DIP2B: variants seen among roughly 807,000 people sequenced by gnomAD.
The protein encoded by DIP2B is disco-interacting protein 2 homolog B.
DIP2B carries 76 observed loss-of-function variants against 198.0 expected under a neutral mutation model. That is an observed-to-expected ratio of 0.38 (90% CI 0.32 to 0.46). The LOEUF (loss-of-function observed/expected upper bound fraction) is 0.46. DIP2B is among the 20% of genes least tolerant of loss of function. The pLI is 0.99. For synonymous variants in DIP2B, 701 were observed against 739.1 expected (o/e 0.95, Z 0.84); for missense variants, 1,559 against 1,978.4 (o/e 0.79, Z 4.02).
intron 2 of DIP2B, among the ~76,000 whole-genome samples, chr12:50,639,278 A>G (rs1271868551): frequency 2.0e-5 from 3 of 151,828 alleles, no homozygotes; most frequent in East Asian, 3.9e-4. Flanking sequence ...TTTGCTCTAT[A>G]TGGTTGCCAA....
At chr12:50,553,679 G>A (rs561130424) in intron 1 of DIP2B, among the ~76,000 whole-genome samples, 63 of 152,050 alleles carry the variant, frequency 4.1e-4, no homozygotes, top group Non-Finnish European at 6.3e-4. Flanking sequence ...TCTGAGACAG[G>A]TTCTCACTCT....
intron 1 of DIP2B, among the ~76,000 whole-genome samples, chr12:50,514,282 C>T (rs1270102134): frequency 6.6e-6 from 1 of 151,986 alleles, no homozygotes; most frequent in Non-Finnish European, 1.5e-5. Flanking sequence ...TCAGGCTGGT[C>T]GCGAACTCCC....
chr12:50,609,071 T>C lies in DIP2B; in HGVS notation c.101-16905T>C, dbSNP rs539067363. On this transcript the variant is annotated intron_variant, in intron 1 of 37. Transcript: ENST00000301180. ...GCAGGAGAATCATGGAGGCAGAGGT[T>C]GCAGTGAGCCGAGATTGTGCCATTG... Among the ~76,000 whole-genome samples the C allele has an allele frequency of 4.5e-4, 69 of 152,206 alleles. 1 individual carries two copies. Among genetic ancestry groups the C allele is most frequent in the African/African-American group, 1.7e-3 (69 of 41,516 alleles).
At chr12:50,525,056 G>A (rs1442062368) in intron 1 of DIP2B, among the ~76,000 whole-genome samples, 1 of 147,400 alleles carries the variant, frequency 6.8e-6, no homozygotes, top group Admixed American at 6.8e-5. Context: ...TGGAGAAAAA[G>A]CATCAAGAGG....
At chr12:50,692,427 C>T (rs1324625169) in intron 13 of DIP2B, among the ~76,000 whole-genome samples, 1 of 152,108 alleles carries the variant, frequency 6.6e-6, no homozygotes, top group Non-Finnish European at 1.5e-5. Context: ...ATGCCTAAGT[C>T]ACAAGAAGTT....
intron 1 of DIP2B, among the ~76,000 whole-genome samples, chr12:50,567,111 CT>C (rs1958571975): frequency 6.6e-6 from 1 of 151,680 alleles, no homozygotes; most frequent in African/African-American, 2.4e-5. Context: ...ATTTGACACA[CT>C]TTTCTGTTGT....
intron 10 of DIP2B, among the ~76,000 whole-genome samples, chr12:50,683,640 G>C (rs564382655): frequency 6.6e-6 from 1 of 152,096 alleles, no homozygotes; most frequent in South Asian, 2.1e-4. Context: ...AAAATTAGTT[G>C]GGCGTGGTGG....
chr12:50,695,450 G>T, intron 15 of DIP2B, 90 bp downstream of exon 15: 1 of 1,213,634 alleles, frequency 8.2e-7, no homozygotes, highest in Non-Finnish European at 1.2e-6. Context: ...GCCCTTGTAT[G>T]CCCCTGTCCC....
At chr12:50,613,764 C>T (rs957196585) in intron 1 of DIP2B, among the ~76,000 whole-genome samples, 3 of 152,178 alleles carry the variant, frequency 2.0e-5, no homozygotes, top group African/African-American at 7.2e-5. Context: ...GCCCTAACCA[C>T]TGACAACACT....
intron 1 of DIP2B, among the ~76,000 whole-genome samples, chr12:50,559,186 A>T (rs1014946361): frequency 6.6e-6 from 1 of 152,198 alleles, no homozygotes; most frequent in African/African-American, 2.4e-5. Flanking sequence ...CAGACTTCTT[A>T]TTAACTCCTC....
At chr12:50,565,324 G>T (rs1958554483) in intron 1 of DIP2B, among the ~76,000 whole-genome samples, 2 of 150,182 alleles carry the variant, frequency 1.3e-5, no homozygotes, top group Non-Finnish European at 3.0e-5. Context: ...TTTGAGATGG[G>T]TCACTCTGTT....
intron 2 of DIP2B, among the ~76,000 whole-genome samples, chr12:50,632,531 T>A (rs1034366280): frequency 6.0e-5 from 9 of 150,256 alleles, no homozygotes; most frequent in East Asian, 2.0e-4. Context: ...TTATTTATTT[T>A]TTATTATTAT....
In DIP2B at chr12:50,714,525, A is replaced by G; in HGVS notation, c.2780A>G (p.His927Arg). 1 of 1,614,216 alleles carries G rather than the reference A, an allele frequency of 6.2e-7. No individual in the cohort carries two copies. Among genetic ancestry groups the G allele is most frequent in the African/African-American group, 1.3e-5 (1 of 75,068 alleles). Reference protein sequence around the residue: ...TKQLFLEGSLHPCNILMCPHT... With the variant: ...TKQLFLEGSLRPCNILMCPHT... Reference sequence around the variant, plus strand: ...CAACTCTTTCTGGAGGGATCACTGCATCCTTGCAACATCCTCATGTGCCCC... The same window carrying G: ...CAACTCTTTCTGGAGGGATCACTGCGTCCTTGCAACATCCTCATGTGCCCC... The change falls in exon 23 of 38, where the codon CAT becomes CGT. Residue 927 changes from histidine (H) to arginine (R), a missense_variant. Coordinates refer to ENST00000301180, the MANE Select transcript of DIP2B (RefSeq NM_173602.3).
intron 21 of DIP2B, among the ~76,000 whole-genome samples, chr12:50,708,112 C>T (rs753965433): frequency 3.3e-5 from 5 of 151,872 alleles, no homozygotes; most frequent in Non-Finnish European, 7.4e-5. Context: ...CTCAGTAATA[C>T]GCCACCCTAC....
chr12:50,650,969 G>A (rs917755526), intron 3 of DIP2B, among the ~76,000 whole-genome samples: 4 of 152,042 alleles, frequency 2.6e-5, no homozygotes, highest in Non-Finnish European at 4.4e-5. Context: ...TCTTCAACAC[G>A]TATTTTCTGA....
At chr12:50,643,413 G>GTA (rs1938295276) in intron 3 of DIP2B, among the ~76,000 whole-genome samples, 1 of 129,386 alleles carries the variant, frequency 7.7e-6, no homozygotes, top group South Asian at 2.8e-4. Context: ...TTCTGTGTGT[G>GTA]TGTGTGTGTG....
chr12:50,707,495 C>T (rs527818685), intron 21 of DIP2B, among the ~76,000 whole-genome samples: 2 of 152,234 alleles, frequency 1.3e-5, no homozygotes, highest in African/African-American at 4.8e-5. Context: ...AGACTCTGCT[C>T]TCCGGTGCCT....
In DIP2B at chr12:50,728,534, TC is replaced by T. The variant is rs759009529; in HGVS notation, c.3511-12del. 6.2e-7 allele frequency: 1 copy of T among 1,612,330 alleles called. No individual in the cohort carries two copies. Among genetic ancestry groups the T allele is most frequent in the East Asian group, 2.2e-5 (1 of 44,826 alleles). On this transcript the variant is annotated splice_polypyrimidine_tract_variant and intron_variant, in intron 29 of 37. Coordinates refer to ENST00000301180, the MANE Select transcript of DIP2B (RefSeq NM_173602.3). ...ATAACAGTCCCAGCCTGTTCCATTT[TC>T]CATACTTTCCAGATGTCCCACTCTG...
intron 1 of DIP2B, among the ~76,000 whole-genome samples, chr12:50,562,488 A>G (rs1396105546): frequency 2.6e-5 from 4 of 152,204 alleles, no homozygotes; most frequent in African/African-American, 9.6e-5. Flanking sequence ...CATTCCTAGC[A>G]CTTTGGGAAA....
Sources: allele counts gnomAD v4.1 joint callset (sites outside exome capture counted in the v4.1 genomes callset), GRCh38; gene constraint gnomAD v4.1.1; transcripts MANE v1.5; gene names NCBI Gene and HGNC (gene_info 2026-07-23, HGNC 2026-07-21).